The following BTBD9 variants were observed in gnomAD, a reference collection of about 807,000 sequenced individuals.
BTBD9 encodes the protein BTB/POZ domain-containing protein 9.
Under a neutral mutation model 64.3 loss-of-function variants are expected in BTBD9, and 49 were observed. That is an observed-to-expected ratio of 0.76 (90% CI 0.61 to 0.97). BTBD9 has a LOEUF of 0.97. BTBD9 is among the 50% of genes least tolerant of loss of function. BTBD9 has a pLI of 0.00. For synonymous variants in BTBD9, 260 were observed against 274.7 expected (o/e 0.95, Z 0.53); for missense variants, 598 against 762.1 (o/e 0.78, Z 2.53).
intron 10 of BTBD9, among the ~76,000 whole-genome samples, chr6:38,185,338 C>T (rs1006908639): frequency 6.6e-6 from 1 of 152,110 alleles, no homozygotes; most frequent in African/African-American, 2.4e-5. Context: ...CAGTTTCTCC[C>T]CAAGATCTAG....
At position 38,171,583 on chromosome 6, in the gene BTBD9, T is replaced by C. The variant is rs1187761283; in HGVS notation, c.*3402A>G. On this transcript the variant is annotated 3_prime_UTR_variant, in exon 11 of 11. Transcript: ENST00000481247. The stretch of plus-strand genomic sequence containing the variant: ...GTGTGTGTGTGTGTGTGTGTGTGTG[T>C]GTGTGTGTGTGTGTGTGTGTGAGAG... 2 of 122,670 alleles carry C rather than the reference T, an allele frequency of 1.6e-5. No individual in the cohort carries two copies. Among genetic ancestry groups the C allele is most frequent in the East Asian group, 4.1e-4 (2 of 4,826 alleles). 7.6% of individuals were successfully genotyped at this position (122,670 alleles called of 1,614,324 possible). A position where few individuals can be genotyped will look rare whatever the true frequency, so the allele number is the denominator to read the frequency against.
chr6:38,284,407 T>G (rs1761640334), intron 8 of BTBD9, among the ~76,000 whole-genome samples: 1 of 152,222 alleles, frequency 6.6e-6, no homozygotes. Context: ...TGGAGTCAGA[T>G]TCAACATCTC....
At chr6:38,563,164 T>C (rs1203524443) in intron 6 of BTBD9, among the ~76,000 whole-genome samples, 1 of 152,226 alleles carries the variant, frequency 6.6e-6, no homozygotes, top group African/African-American at 2.4e-5. Flanking sequence ...TCCTAGGTCC[T>C]CTTTTCTTTT....
intron 6 of BTBD9, among the ~76,000 whole-genome samples, chr6:38,441,710 C>G (rs1181880411): frequency 6.6e-6 from 1 of 152,168 alleles, no homozygotes; most frequent in Non-Finnish European, 1.5e-5. Context: ...AGCCACCACA[C>G]CCAGCCTCTG....
intron 6 of BTBD9, among the ~76,000 whole-genome samples, chr6:38,506,349 T>A (rs542560006): frequency 2.0e-5 from 3 of 152,210 alleles, no homozygotes; most frequent in African/African-American, 7.2e-5. Flanking sequence ...GGCAAAATCA[T>A]CTAACACAAA....
intron 4 of BTBD9, among the ~76,000 whole-genome samples, chr6:38,585,596 C>G (rs865884917): frequency 7.9e-5 from 12 of 152,204 alleles, no homozygotes; most frequent in South Asian, 4.1e-4. Context: ...AGGTGTGAGC[C>G]ACTGCACCCA....
At chr6:38,405,967 G>A (rs1362211988) in intron 6 of BTBD9, among the ~76,000 whole-genome samples, 1 of 151,970 alleles carries the variant, frequency 6.6e-6, no homozygotes, top group African/African-American at 2.4e-5. Flanking sequence ...GTGAAATGTG[G>A]GTGCTTCAGA....
intron 9 of BTBD9, among the ~76,000 whole-genome samples, chr6:38,214,237 A>G (rs1007614388): frequency 6.6e-6 from 1 of 151,946 alleles, no homozygotes; most frequent in African/African-American, 2.4e-5. Context: ...CCTGCCATAC[A>G]CTGGCCTAGA....
chr6:38,344,140 A>G (rs1764198140), intron 7 of BTBD9, among the ~76,000 whole-genome samples: 2 of 152,318 alleles, frequency 1.3e-5, no homozygotes, highest in Admixed American at 1.3e-4. Flanking sequence ...GACAGAATCA[A>G]GGAGCTAATT....
intron 6 of BTBD9, among the ~76,000 whole-genome samples, chr6:38,355,277 T>C (rs1192126191): frequency 6.6e-6 from 1 of 152,176 alleles, no homozygotes; most frequent in Non-Finnish European, 1.5e-5. Context: ...ACCCAATCAT[T>C]TAAAAAGACA....
At chr6:38,375,193 T>C (rs1192672425) in intron 6 of BTBD9, among the ~76,000 whole-genome samples, 1 of 152,220 alleles carries the variant, frequency 6.6e-6, no homozygotes, top group East Asian at 1.9e-4. Context: ...CCTCAGAATG[T>C]AAAGTACTGA....
At chr6:38,478,446 T>C (rs1365510117) in intron 6 of BTBD9, among the ~76,000 whole-genome samples, 1 of 152,212 alleles carries the variant, frequency 6.6e-6, no homozygotes, top group East Asian at 1.9e-4. Context: ...TCTTGTCTCC[T>C]ATTTTTTTTA....
intron 8 of BTBD9, among the ~76,000 whole-genome samples, chr6:38,280,457 A>G (rs545181902): frequency 6.6e-6 from 1 of 152,378 alleles, no homozygotes; most frequent in Non-Finnish European, 1.5e-5. Context: ...ACTGATATGA[A>G]GCAAATTTTG....
At chr6:38,423,563 C>T (rs761851599) in intron 6 of BTBD9, among the ~76,000 whole-genome samples, 10 of 152,124 alleles carry the variant, frequency 6.6e-5, no homozygotes, top group Non-Finnish European at 1.2e-4. Flanking sequence ...CTCGGGCTCC[C>T]AAAGTGCTGG....
At chr6:38,485,236 C>T (rs1205185281) in intron 6 of BTBD9, among the ~76,000 whole-genome samples, 1 of 152,214 alleles carries the variant, frequency 6.6e-6, no homozygotes, top group African/African-American at 2.4e-5. Context: ...CCAGTCATAT[C>T]TTCAGACTAC....
intron 7 of BTBD9, among the ~76,000 whole-genome samples, chr6:38,302,485 G>GTGTGTATATATATATATATA (rs1554137022): frequency 9.4e-6 from 1 of 106,908 alleles, no homozygotes; most frequent in African/African-American, 3.5e-5. Context: ...TTGTGTGTAT[G>GTGTGTATATATATATATATA]TATATATATA....
intron 6 of BTBD9, among the ~76,000 whole-genome samples, chr6:38,486,330 T>C (rs1220106193): frequency 6.6e-6 from 1 of 152,250 alleles, no homozygotes; most frequent in Non-Finnish European, 1.5e-5. Flanking sequence ...AACTTTTCCT[T>C]TGCATTCACA....
chr6:38,242,793 A>G (rs1561917350), intron 9 of BTBD9, among the ~76,000 whole-genome samples: 1 of 152,262 alleles, frequency 6.6e-6, no homozygotes, highest in Non-Finnish European at 1.5e-5. Context: ...ACTCTGGGAA[A>G]AGCTGCTCCT....
rs1205515914 is a variant in BTBD9, at chr6:38,487,586, A to T, written c.1154+90014T>A. ...GACAGAGCGAGAGAGACAGAGAGAG[A>T]GTCAGCGAGAGAGAGAGAGAGAGAG... On this transcript the variant is annotated intron_variant, in intron 6 of 10. Transcript: ENST00000481247. Among the ~76,000 whole-genome samples the T allele has an allele frequency of 5.3e-5, 6 of 112,558 alleles. No individual in the cohort carries two copies. The East Asian group carries it at 1.4e-3, about 26-fold the overall frequency. 73.8% of individuals were successfully genotyped at this position (112,558 alleles called of 152,430 possible).
Sources: gnomAD v4.1 joint callset for allele counts (sites outside exome capture counted in the v4.1 genomes callset) on GRCh38, gnomAD v4.1.1 for gene constraint, MANE v1.5 for transcripts, NCBI Gene and HGNC (gene_info 2026-07-23, HGNC 2026-07-21) for gene names.